Variants in GPC6 observed in about 807,000 individuals in gnomAD.
The protein encoded by GPC6 is glypican 6.
In GPC6, 14 loss-of-function variants were observed where a neutral mutation model predicts 55.2. That is an observed-to-expected ratio of 0.25 (90% CI 0.17 to 0.40). GPC6 has a LOEUF of 0.40. Among genes scored for constraint, GPC6 ranks in the 10% least tolerant of loss-of-function variants. GPC6 has a pLI of 1.00. For synonymous variants in GPC6, 278 were observed against 259.6 expected, an observed-to-expected ratio of 1.07 and a Z score of -0.68; for missense variants, 641 against 708.5, an observed-to-expected ratio of 0.90 and a Z score of 1.08.
chr13:94,280,446 A>C (rs1219344362), intron 4 of GPC6, among the ~76,000 whole-genome samples: 6 of 152,040 alleles, frequency 3.9e-5, no homozygotes, highest in Non-Finnish European at 8.8e-5. Context: ...ATTCCAGCCC[A>C]AGATCTCACA....
intron 7 of GPC6, among the ~76,000 whole-genome samples, chr13:94,395,366 C>G (rs1880851791): frequency 6.6e-6 from 1 of 152,124 alleles, no homozygotes. Flanking sequence ...TTTTTTAGAG[C>G]AGTAAATACT....
At chr13:93,952,966 A>T (rs1351498849) in intron 3 of GPC6, among the ~76,000 whole-genome samples, 1 of 150,452 alleles carries the variant, frequency 6.6e-6, no homozygotes, top group Admixed American at 6.7e-5. Flanking sequence ...AAACACCTCT[A>T]TTATTTAGTT....
At chr13:93,695,152 T>G (rs1882405430) in intron 2 of GPC6, among the ~76,000 whole-genome samples, 2 of 152,154 alleles carry the variant, frequency 1.3e-5, no homozygotes, top group East Asian at 3.9e-4. Context: ...TATTTAGCAA[T>G]GAAAGTTTAT....
chr13:94,035,821 G>A (rs544706574), intron 4 of GPC6, among the ~76,000 whole-genome samples: 1 of 151,904 alleles, frequency 6.6e-6, no homozygotes, highest in African/African-American at 2.4e-5. Flanking sequence ...TATATATTTC[G>A]ATTGCTCTGA....
chr13:94,341,581 G>T lies in GPC6; in HGVS notation c.1152+35458G>T, dbSNP rs1202302650. 4.7e-5 allele frequency among the ~76,000 whole-genome samples: 6 copies of T among 127,604 alleles called. No individual in the cohort carries two copies. In the South Asian group the frequency reaches 9.7e-4, roughly 21 times the overall value. The allele number at this position is 127,604 out of a possible 152,430, so 83.7% of individuals were successfully genotyped here. A position where few individuals can be genotyped will look rare whatever the true frequency, so the allele number is the denominator to read the frequency against. On this transcript the variant is annotated intron_variant, in intron 6 of 8. Coordinates refer to ENST00000377047, the MANE Select transcript of GPC6 (RefSeq NM_005708.5). ...GCCTGGGCAACAAAAGCAAAACTCC[G>T]TCTCAAAAAAAAAAAAAAAAAGATT...
intron 2 of GPC6, among the ~76,000 whole-genome samples, chr13:93,649,097 T>C (rs764412706): frequency 1.3e-5 from 2 of 152,320 alleles, no homozygotes; most frequent in South Asian, 2.1e-4. Context: ...TTGAACTATA[T>C]GGATCTGCCA....
chr13:93,962,427 ATT>A (rs951717339), intron 3 of GPC6, among the ~76,000 whole-genome samples: 6 of 151,696 alleles, frequency 4.0e-5, no homozygotes, highest in Non-Finnish European at 7.4e-5. Flanking sequence ...ATATATATAT[ATT>A]TTTTTTCTTT....
chr13:94,277,185 C>A (rs1349751588), intron 4 of GPC6, among the ~76,000 whole-genome samples: 1 of 152,102 alleles, frequency 6.6e-6, no homozygotes, highest in Non-Finnish European at 1.5e-5. Context: ...CTATAATGAT[C>A]AGTGCTGTTG....
At chr13:93,988,253 T>C (rs1454794990) in intron 3 of GPC6, among the ~76,000 whole-genome samples, 1 of 152,132 alleles carries the variant, frequency 6.6e-6, no homozygotes, top group Non-Finnish European at 1.5e-5. Flanking sequence ...TTTGGGCTAT[T>C]GTCAGGGTCT....
intron 3 of GPC6, among the ~76,000 whole-genome samples, chr13:93,952,909 G>GTA (rs1456681875): frequency 1.4e-5 from 2 of 144,812 alleles, no homozygotes; most frequent in Non-Finnish European, 3.1e-5. Context: ...GTGTATATAT[G>GTA]TATATATATA....
chr13:94,372,853 G>T (rs952006485), intron 6 of GPC6, among the ~76,000 whole-genome samples: 1 of 152,084 alleles, frequency 6.6e-6, no homozygotes, highest in African/African-American at 2.4e-5. Flanking sequence ...CTCCCAGCAG[G>T]CAGCTGGAGA....
chr13:93,564,581 C>T (rs1349677319), intron 2 of GPC6, among the ~76,000 whole-genome samples: 1 of 152,158 alleles, frequency 6.6e-6, no homozygotes, highest in Non-Finnish European at 1.5e-5. Flanking sequence ...TTCTACACCC[C>T]ACTTTCAATT....
intron 2 of GPC6, among the ~76,000 whole-genome samples, chr13:93,768,064 A>C (rs770009247): frequency 2.6e-5 from 4 of 151,970 alleles, no homozygotes; most frequent in Non-Finnish European, 5.9e-5. Flanking sequence ...TTTCACATAC[A>C]CTTTGATCTA....
chr13:93,280,495 A>G (rs773987236), intron 1 of GPC6, among the ~76,000 whole-genome samples: 2 of 152,382 alleles, frequency 1.3e-5, no homozygotes, highest in Middle Eastern at 3.4e-3. Context: ...AAATTCTTAC[A>G]TTATATATGG....
At chr13:93,293,458 G>C (rs1396239427) in intron 1 of GPC6, among the ~76,000 whole-genome samples, 4 of 152,080 alleles carry the variant, frequency 2.6e-5, no homozygotes, top group Non-Finnish European at 5.9e-5. Context: ...AGATTGTTTA[G>C]TACTTAGGGT....
At chr13:93,276,103 T>G (rs1877725804) in intron 1 of GPC6, among the ~76,000 whole-genome samples, 3 of 152,226 alleles carry the variant, frequency 2.0e-5, no homozygotes, top group African/African-American at 7.2e-5. Context: ...TTCGATCTCC[T>G]GACCTCGTGA....
chr13:93,927,792 C>T (rs1447935763), intron 3 of GPC6, among the ~76,000 whole-genome samples: 1 of 151,866 alleles, frequency 6.6e-6, no homozygotes. Flanking sequence ...TAACACAATT[C>T]CTGTTATAAA....
chr13:93,443,295 G>C (rs1877873194), intron 1 of GPC6, among the ~76,000 whole-genome samples: 2 of 152,146 alleles, frequency 1.3e-5, no homozygotes, highest in Admixed American at 6.6e-5. Flanking sequence ...CAATTCTTAT[G>C]AATAAATTTT....
intron 1 of GPC6, among the ~76,000 whole-genome samples, chr13:93,271,640 T>C (rs1197437579): frequency 6.6e-6 from 1 of 152,140 alleles, no homozygotes; most frequent in African/African-American, 2.4e-5. Flanking sequence ...AAGTGAGTGG[T>C]TTAAATATTT....
Sources: allele counts gnomAD v4.1 joint callset (sites outside exome capture counted in the v4.1 genomes callset), GRCh38; gene constraint gnomAD v4.1.1; transcripts MANE v1.5; gene names NCBI Gene and HGNC (gene_info 2026-07-23, HGNC 2026-07-21).